The following ELP4 variants were observed in gnomAD, a reference collection of about 807,000 sequenced individuals.
ELP4 encodes the protein elongator acetyltransferase complex subunit 4, also known as elongator complex protein 4.
In ELP4, 51 loss-of-function variants were observed where a neutral mutation model predicts 48.9. That is an observed-to-expected ratio of 1.04 (90% CI 0.83 to 1.32). The LOEUF (loss-of-function observed/expected upper bound fraction) is 1.32, where lower values mean the gene tolerates loss of function less well. ELP4 is among the 40% of genes most tolerant of loss of function. The pLI, the probability that ELP4 is intolerant of heterozygous loss-of-function variation, is 0.00. For synonymous variants in ELP4, 210 were observed against 189.2 expected, an observed-to-expected ratio of 1.11 and a Z score of -0.90; for missense variants, 519 against 514.6, an observed-to-expected ratio of 1.01 and a Z score of -0.08.
intron 9 of ELP4, among the ~76,000 whole-genome samples, chr11:31,715,441 G>T (rs992025402): frequency 9.2e-5 from 14 of 152,168 alleles, no homozygotes; most frequent in African/African-American, 3.1e-4. Flanking sequence ...GAAAAATGTA[G>T]GTAGCTTCCC....
intron 7 of ELP4, among the ~76,000 whole-genome samples, chr11:31,638,785 C>CT (rs961651957): frequency 5.9e-5 from 9 of 151,812 alleles, no homozygotes; most frequent in Admixed American, 2.6e-4. Flanking sequence ...CAGCTAAACT[C>CT]TAAGTCTAGC....
In ELP4 at chr11:31,520,022, A is replaced by C. The variant is rs755782101; in HGVS notation, c.224-34A>C. 3.2e-5 allele frequency: 52 copies of C among 1,607,892 alleles called. No individual in the cohort carries two copies. In the Admixed American group the frequency reaches 8.7e-4, roughly 27 times the overall value. ...TATGCTAAAGGTAATGGAAAAGGTA[A>C]ATTAATTTTCTTCTGGTTTTGTTTC... is the stretch of plus-strand genomic sequence containing the variant. On this transcript the variant is annotated intron_variant, in intron 1 of 9. Coordinates refer to ENST00000640961, the MANE Select transcript of ELP4 (RefSeq NM_019040.5).
At chr11:31,650,076 T>C (rs1240605249) in intron 8 of ELP4, 39 bp from the exon 9 acceptor site, 2 of 823,800 alleles carry the variant, frequency 2.4e-6, no homozygotes, top group African/African-American at 3.4e-5. Flanking sequence ...CTGATGACAA[T>C]GTTTTAAATT....
chr11:31,757,164 T>G (rs528798440), intron 9 of ELP4, among the ~76,000 whole-genome samples: 1 of 152,374 alleles, frequency 6.6e-6, no homozygotes, highest in South Asian at 2.1e-4. Flanking sequence ...CCTCTGTATT[T>G]GTAATTACTG....
chr11:31,735,946 G>A (rs2134209722), intron 9 of ELP4, among the ~76,000 whole-genome samples: 1 of 152,208 alleles, frequency 6.6e-6, no homozygotes, highest in Non-Finnish European at 1.5e-5. Flanking sequence ...AGCTACCAAT[G>A]ACTTTCTTCA....
chr11:31,530,475 T>G (rs1956376996), intron 2 of ELP4, among the ~76,000 whole-genome samples: 1 of 152,038 alleles, frequency 6.6e-6, no homozygotes. Context: ...TGAAGAAAGT[T>G]GTCAATGGTA....
At chr11:31,778,515 T>G (rs1378062074) in intron 9 of ELP4, among the ~76,000 whole-genome samples, 2 of 152,250 alleles carry the variant, frequency 1.3e-5, no homozygotes, top group Non-Finnish European at 2.9e-5. Flanking sequence ...CATATGTACT[T>G]TTATGAACCA....
At chr11:31,538,303 A>G (rs2133904131) in intron 2 of ELP4, among the ~76,000 whole-genome samples, 1 of 148,578 alleles carries the variant, frequency 6.7e-6, no homozygotes, top group Non-Finnish European at 1.5e-5. Flanking sequence ...ACAATTCTAT[A>G]TATTACAGTA....
At chr11:31,697,487 C>G (rs1249273862) in intron 9 of ELP4, among the ~76,000 whole-genome samples, 1 of 151,974 alleles carries the variant, frequency 6.6e-6, no homozygotes, top group Non-Finnish European at 1.5e-5. Flanking sequence ...TACTAAAATT[C>G]TAGGTCCCAA....
chr11:31,748,645 T>C (rs1410675615), intron 9 of ELP4, among the ~76,000 whole-genome samples: 2 of 152,196 alleles, frequency 1.3e-5, no homozygotes, highest in Non-Finnish European at 2.9e-5. Flanking sequence ...TATATCTGAC[T>C]GTCTCTTCTA....
At chr11:31,713,541 T>C (rs1412311325) in intron 9 of ELP4, among the ~76,000 whole-genome samples, 1 of 152,180 alleles carries the variant, frequency 6.6e-6, no homozygotes, top group African/African-American at 2.4e-5. Context: ...TATACTCTAA[T>C]TTATAGAAAT....
chr11:31,701,315 AG>A (rs1946517750), intron 9 of ELP4, among the ~76,000 whole-genome samples: 1 of 152,168 alleles, frequency 6.6e-6, no homozygotes, highest in South Asian at 2.1e-4. Flanking sequence ...ATAAAAACTA[AG>A]CTGTCACATT....
chr11:31,668,653 G>A (rs1276207602), intron 9 of ELP4, among the ~76,000 whole-genome samples: 2 of 121,392 alleles, frequency 1.6e-5, no homozygotes, highest in Non-Finnish European at 3.6e-5. Flanking sequence ...TTTAGATATC[G>A]GAATGAAATT....
chr11:31,569,828 A>T (rs1006616018), intron 3 of ELP4, among the ~76,000 whole-genome samples: 3 of 152,242 alleles, frequency 2.0e-5, no homozygotes, highest in Admixed American at 1.3e-4. Context: ...ATATCATCTC[A>T]CACCAGTCAG....
chr11:31,764,930 C>A (rs1948012367), intron 9 of ELP4, among the ~76,000 whole-genome samples: 1 of 152,170 alleles, frequency 6.6e-6, no homozygotes, highest in Admixed American at 6.5e-5. Flanking sequence ...ATTTCTGAAA[C>A]TTTTCCTTTA....
chr11:31,771,989 A>C (rs1000529218), intron 9 of ELP4, among the ~76,000 whole-genome samples: 4 of 152,136 alleles, frequency 2.6e-5, no homozygotes, highest in Non-Finnish European at 5.9e-5. Context: ...CTCTAAAAAA[A>C]AAAATTAGGT....
At chr11:31,706,087 C>T (rs951641009) in intron 9 of ELP4, among the ~76,000 whole-genome samples, 31 of 152,002 alleles carry the variant, frequency 2.0e-4, no homozygotes, top group African/African-American at 4.6e-4. Context: ...AATAAAAATA[C>T]GTTGCATTTT....
intron 1 of ELP4, among the ~76,000 whole-genome samples, chr11:31,513,810 A>G: frequency 6.6e-6 from 1 of 152,220 alleles, no homozygotes; most frequent in Non-Finnish European, 1.5e-5. Flanking sequence ...ATGATTTTGA[A>G]AATCGTGGAA....
At chr11:31,560,337 A>G (rs1415398950) in intron 3 of ELP4, among the ~76,000 whole-genome samples, 1 of 152,124 alleles carries the variant, frequency 6.6e-6, no homozygotes, top group Non-Finnish European at 1.5e-5. Context: ...TTAAAAGATA[A>G]TGTACTTATA....
Sources: gnomAD v4.1 joint callset for allele counts (sites outside exome capture counted in the v4.1 genomes callset) on GRCh38, gnomAD v4.1.1 for gene constraint, MANE v1.5 for transcripts, NCBI Gene and HGNC (gene_info 2026-07-23, HGNC 2026-07-21) for gene names.